WDR17: variants seen among roughly 807,000 people sequenced by gnomAD.
WDR17 encodes WD repeat domain 17.
A neutral mutation model predicts 161.7 loss-of-function variants in WDR17; 143 were observed. The observed-to-expected ratio is 0.88, with a 90% CI of 0.77 to 1.02. The LOEUF is 1.02. WDR17 is among the 50% of genes least tolerant of loss of function. The pLI is 0.00. For missense variants in WDR17, 1,469 were observed against 1,520.9 expected (o/e 0.97, Z 0.57); for synonymous variants, 517 against 515.6 (o/e 1.00, Z -0.04).
chr4:176,078,253 A>G (rs549949552), intron 1 of WDR17, among the ~76,000 whole-genome samples: 170 of 152,240 alleles, frequency 1.1e-3, no homozygotes, highest in African/African-American at 3.9e-3. Flanking sequence ...AAATAAATAA[A>G]TAAATGAACA....
intron 1 of WDR17, chr4:176,098,378 A>G (rs1049352984): frequency 6.6e-6 from 1 of 152,088 alleles, no homozygotes; most frequent in East Asian, 1.9e-4. Context: ...AAGGATAATA[A>G]AGGCTTTGTA....
chr4:176,066,798 G>T (rs1732586808), intron 1 of WDR17, among the ~76,000 whole-genome samples: 1 of 151,900 alleles, frequency 6.6e-6, no homozygotes, highest in African/African-American at 2.4e-5. Flanking sequence ...AGGGTTTGAA[G>T]AGAGATACTA....
chr4:176,084,733 T>C (rs1029512182), intron 1 of WDR17, among the ~76,000 whole-genome samples: 2 of 148,084 alleles, frequency 1.4e-5, no homozygotes, highest in Admixed American at 1.4e-4. Flanking sequence ...TTTTTAAAAT[T>C]GTTAGCTTAC....
intron 1 of WDR17, among the ~76,000 whole-genome samples, chr4:176,084,284 A>G (rs1036400141): frequency 6.6e-6 from 1 of 152,126 alleles, no homozygotes; most frequent in Admixed American, 6.6e-5. Context: ...CACTCATGGT[A>G]GAAGGTGAAG....
chr4:176,147,165 G>A lies in WDR17; in HGVS notation c.1695-968G>A, dbSNP rs191914613. On this transcript the variant is annotated intron_variant, in intron 12 of 28. Coordinates refer to ENST00000508596, the MANE Select transcript of WDR17 (RefSeq NM_181265.4). ...CAGACATGAGCCCCTGCGCCTGGCCGAAATGAAACTTTATATAAAGCAGAA... is the reference window on the plus strand; with the variant it reads ...CAGACATGAGCCCCTGCGCCTGGCCAAAATGAAACTTTATATAAAGCAGAA... 1.8e-3 allele frequency among the ~76,000 whole-genome samples: 269 copies of A among 152,092 alleles called. 3 individuals carry two copies. Among genetic ancestry groups the A allele is most frequent in the Non-Finnish European group, 1.1e-3 (78 of 67,958 alleles).
chr4:176,150,469 C>T lies in WDR17; in HGVS notation c.2180C>T (p.Pro727Leu), dbSNP rs1345704153. 1 of 1,602,210 alleles carries T rather than the reference C, an allele frequency of 6.2e-7. No homozygotes were observed. Among genetic ancestry groups the T allele is most frequent in the Admixed American group, 1.8e-5 (1 of 57,090 alleles). Residue 727 changes from proline (P) to leucine (L), a missense_variant and splice_region_variant, in exon 16 of 29, where the codon CCT becomes CTT. Pro to Leu is a moderately conservative substitution (Grantham distance 98). Transcript: ENST00000508596. ...ATTTATTTTTTGTCAACTCTTTAGC[C>T]TCCAGGTGGCAGTGACAATTTATGG... is the stretch of plus-strand genomic sequence containing the variant. The part of the protein sequence containing the change: ...KLRWFSECLS[P>L]PGGSDNLWNL...
At chr4:176,119,145 G>A (rs1412163188) in intron 3 of WDR17, among the ~76,000 whole-genome samples, 1 of 151,742 alleles carries the variant, frequency 6.6e-6, no homozygotes, top group Admixed American at 6.6e-5. Context: ...TGATTTATTT[G>A]ATCACAATAG....
chr4:176,068,896 CA>C (rs1477407218), intron 1 of WDR17, among the ~76,000 whole-genome samples: 1 of 152,120 alleles, frequency 6.6e-6, no homozygotes, highest in Non-Finnish European at 1.5e-5. Context: ...TAGAGAAAAA[CA>C]TTTTTCTTAT....
At chr4:176,126,476 T>C (rs1742461231) in intron 5 of WDR17, among the ~76,000 whole-genome samples, 1 of 152,238 alleles carries the variant, frequency 6.6e-6, no homozygotes, top group Non-Finnish European at 1.5e-5. Flanking sequence ...TATTCACTTC[T>C]TTAATACTTA....
intron 17 of WDR17, among the ~76,000 whole-genome samples, chr4:176,155,242 C>T (rs9998438): frequency 3.3e-5 from 5 of 151,740 alleles, no homozygotes; most frequent in African/African-American, 4.8e-5. Flanking sequence ...TCTCTCCTTC[C>T]GTTTTTCTCT....
Position 176,173,382 on chromosome 4 carries a change from T to C in WDR17, c.3347+13T>C. The C allele has an allele frequency of 6.5e-7, 1 of 1,543,770 alleles. No homozygotes were observed. On this transcript the variant is annotated intron_variant, in intron 25 of 28. Transcript: ENST00000508596. ...ATACGTGTACTGAGTGAGTATTTTTTCTGCAAAATATATAAGTGAATCTAT... is the reference window on the plus strand; with the variant it reads ...ATACGTGTACTGAGTGAGTATTTTTCCTGCAAAATATATAAGTGAATCTAT...
At chr4:176,110,774 C>T (rs2333396) in intron 1 of WDR17, among the ~76,000 whole-genome samples, 25,293 of 152,010 alleles carry the variant, frequency 0.17, 2,674 homozygotes, top group South Asian at 0.26. Context: ...GAAATAGAGA[C>T]GTAAGGTTTA....
At position 176,172,418 on chromosome 4, in the gene WDR17, C is replaced by T. The variant is rs775222847; in HGVS notation, c.3146C>T (p.Thr1049Ile). 7 of 1,611,160 alleles carry T rather than the reference C, an allele frequency of 4.3e-6. No individual in the cohort carries two copies. The highest frequency in any genetic ancestry group is 5.9e-6 in the Non-Finnish European group (7 of 1,179,248). ...TVEECMQLAE[T>I]ARADDNIFET... Reference sequence around the variant, plus strand: ...GAAGAATGTATGCAGTTAGCTGAGACAGCCCGTGCAGATGACAATATATTT... The same window carrying T: ...GAAGAATGTATGCAGTTAGCTGAGATAGCCCGTGCAGATGACAATATATTT... Residue 1049 changes from threonine to isoleucine, a missense_variant, in exon 24 of 29, where the codon ACA becomes ATA. Thr to Ile is a moderately conservative substitution (Grantham distance 89, BLOSUM62 -1). Coordinates refer to ENST00000508596, the MANE Select transcript of WDR17 (RefSeq NM_181265.4).
chr4:176,087,137 C>T (rs1211925717), intron 1 of WDR17, among the ~76,000 whole-genome samples: 1 of 151,800 alleles, frequency 6.6e-6, no homozygotes, highest in East Asian at 1.9e-4. Flanking sequence ...CATATTTTCC[C>T]TTTCTGATGA....
At chr4:176,157,892 T>C (rs903446914) in intron 18 of WDR17, among the ~76,000 whole-genome samples, 1 of 152,020 alleles carries the variant, frequency 6.6e-6, no homozygotes. Flanking sequence ...AAAGAATACA[T>C]AGGACATAAC....
At chr4:176,116,067 T>C in intron 3 of WDR17, 88 bp downstream of exon 3, 1 of 1,331,824 alleles carries the variant, frequency 7.5e-7, no homozygotes, top group Non-Finnish European at 1.0e-6. Flanking sequence ...GCTTTTAAAA[T>C]GTTGTTTTCA....
intron 1 of WDR17, among the ~76,000 whole-genome samples, chr4:176,070,255 C>T (rs570888281): frequency 6.6e-6 from 1 of 152,134 alleles, no homozygotes; most frequent in African/African-American, 2.4e-5. Flanking sequence ...TAATGTCTCA[C>T]CTTCAAAATT....
intron 26 of WDR17, among the ~76,000 whole-genome samples, chr4:176,176,504 A>C (rs2126897489): frequency 6.6e-6 from 1 of 152,058 alleles, no homozygotes; most frequent in Admixed American, 6.6e-5. Flanking sequence ...TCCTTCAGAA[A>C]CCTCACCACT....
chr4:176,150,577 T>G lies in WDR17; in HGVS notation c.2288T>G (p.Leu763Arg), dbSNP rs369843414. Reference protein sequence around the residue: ...YCKGIMHLKHLIKFRTSEAQE... With the variant: ...YCKGIMHLKHRIKFRTSEAQE... Reference sequence around the variant, plus strand: ...AAAGGAATAATGCACTTGAAACATCTGATTAAATTTAGAACAGTGAGTAAA... The same window carrying G: ...AAAGGAATAATGCACTTGAAACATCGGATTAAATTTAGAACAGTGAGTAAA... Residue 763 changes from leucine (L) to arginine (R), a missense_variant, in exon 16 of 29, where the codon CTG becomes CGG. By Grantham distance (102) the Leu-to-Arg change is moderately radical. Transcript: ENST00000508596. The G allele has an allele frequency of 7.5e-6, 12 of 1,603,514 alleles. No homozygotes were observed. The African/African-American group carries it at 1.2e-4, about 16-fold the overall frequency.
Sources: allele counts gnomAD v4.1 joint callset (sites outside exome capture counted in the v4.1 genomes callset), GRCh38; gene constraint gnomAD v4.1.1; transcripts MANE v1.5; gene names NCBI Gene and HGNC (gene_info 2026-07-23, HGNC 2026-07-21).